The following LRRC45 variants were observed in gnomAD, a reference collection of about 807,000 sequenced individuals.
The protein encoded by LRRC45 is leucine-rich repeat-containing protein 45.
In LRRC45, 73 loss-of-function variants were observed where a neutral mutation model predicts 85.4. The ratio of observed to expected loss-of-function variants is 0.85; its 90% CI spans 0.71 to 1.04. The LOEUF (loss-of-function observed/expected upper bound fraction) is 1.04. Ranked by LOEUF, LRRC45 falls within the 50% of genes least tolerant of loss-of-function variation. The pLI is 0.00. For synonymous variants in LRRC45, 429 were observed against 386.0 expected, an observed-to-expected ratio of 1.11 and a Z score of -1.31; for missense variants, 937 against 883.3, an observed-to-expected ratio of 1.06 and a Z score of -0.77.
chr17:82,023,333 C>T lies in LRRC45; in HGVS notation c.-311C>T. Reference sequence around the variant, plus strand: ...CTTCCTGGATACTGAGGCCCCGACGCGGCTGTCGCGAGGGCGGGGGTCGGG... The same window carrying T: ...CTTCCTGGATACTGAGGCCCCGACGTGGCTGTCGCGAGGGCGGGGGTCGGG... On this transcript the variant is annotated 5_prime_UTR_variant, in exon 1 of 17. Coordinates refer to ENST00000306688, the MANE Select transcript of LRRC45 (RefSeq NM_144999.4). 1 of 450,106 alleles carries T rather than the reference C, an allele frequency of 2.2e-6. No homozygotes were observed. The highest frequency in any genetic ancestry group is 5.8e-4 in the Middle Eastern group (1 of 1,736). 27.9% of individuals were successfully genotyped at this position (450,106 alleles called of 1,614,324 possible).
At position 82,031,065 on chromosome 17, in the gene LRRC45, C is replaced by T. The variant is rs1314587038; in HGVS notation, c.*260C>T. On this transcript the variant is annotated 3_prime_UTR_variant, in exon 17 of 17. Coordinates refer to ENST00000306688, the MANE Select transcript of LRRC45 (RefSeq NM_144999.4). The stretch of plus-strand genomic sequence containing the variant: ...AAGGGGTCCCGCGGGCGCGTCTCCC[C>T]CTCGCCTTTTGCGATGTCACCGTGA... 2.6e-6 allele frequency: 1 copy of T among 384,290 alleles called. No homozygotes were observed. The highest frequency in any genetic ancestry group is 2.1e-5 in the African/African-American group (1 of 48,354). The allele number at this position is 384,290 out of a possible 1,614,324, so 23.8% of individuals were successfully genotyped here. A position where few individuals can be genotyped will look rare whatever the true frequency, so the allele number is the denominator to read the frequency against.
rs767994098 is a variant in LRRC45 at position 82,025,057 on chromosome 17, CG to C, written c.416del (p.Gly139AlafsTer28). The C allele has an allele frequency of 1.2e-6, 2 of 1,608,568 alleles. No individual in the cohort carries two copies. Among genetic ancestry groups the C allele is most frequent in the Non-Finnish European group, 1.7e-6 (2 of 1,178,048 alleles). ...TWDDAFATFC[G>X]GLAANGALQR... is the part of the protein sequence containing the mutation. ...GGGACGATGCCTTCGCCACCTTCTG[CG>C]GGGGCCTGGCGGCCAACGGCGCCCT... is the stretch of plus-strand genomic sequence containing the variant. On this transcript the variant is annotated frameshift_variant, in exon 4 of 17. Transcript: ENST00000306688. LOFTEE classifies it high-confidence loss of function.
chr17:82,027,582 G>C (rs1314420109), intron 7 of LRRC45, 92 bp from the exon 8 acceptor site: 2 of 1,542,006 alleles, frequency 1.3e-6, no homozygotes, highest in East Asian at 4.6e-5. Flanking sequence ...GACCATAGAT[G>C]CTTAAGGAAC....
In LRRC45 at chr17:82,027,762, G is replaced by A. The variant is rs143016863; in HGVS notation, c.911+11G>A. Reference sequence around the variant, plus strand: ...CGCTCTCAAGGCCAAGTAAGTGGGGGGTGGCCTCAGGATACTTCAGAGACG... The same window carrying A: ...CGCTCTCAAGGCCAAGTAAGTGGGGAGTGGCCTCAGGATACTTCAGAGACG... On this transcript the variant is annotated intron_variant, in intron 8 of 16. Coordinates refer to ENST00000306688, the MANE Select transcript of LRRC45 (RefSeq NM_144999.4). The A allele has an allele frequency of 8.1e-6, 13 of 1,608,890 alleles. No homozygotes were observed. The African/African-American group carries it at 1.2e-4, about 15-fold the overall frequency.
rs1268421724 is a variant in LRRC45, at chr17:82,030,180, T to C, written c.1610T>C (p.Val537Ala). The C allele has an allele frequency of 6.5e-7, 1 of 1,544,198 alleles. No individual in the cohort carries two copies. The highest frequency in any genetic ancestry group is 2.5e-5 in the East Asian group (1 of 40,778). ...GTGGTGGCCGAGGCCCAGACCCGGG[T>C]CAGCCAGCTGGGCCTGCAAGTTGAG... ...KQVVAEAQTRVSQLGLQVEGL... is the reference protein window; with the variant it reads ...KQVVAEAQTRASQLGLQVEGL... Residue 537 changes from valine (V) to alanine (A), a missense_variant, in exon 15 of 17, where the codon GTC becomes GCC. Transcript: ENST00000306688.
At chr17:82,027,281 C>A in intron 6 of LRRC45, 105 bp from the exon 7 acceptor site, 1 of 1,425,212 alleles carries the variant, frequency 7.0e-7, no homozygotes, top group Admixed American at 1.7e-5. Flanking sequence ...TGGAACCCTC[C>A]GCTGCCTTGC....
rs1483483056 is a variant in LRRC45, at chr17:82,029,168, C to T, written c.1384C>T (p.Arg462Trp). ...GCGGGTGCAGAGGCTGGAGGCGGCG[C>T]GGCTGTCCCTGGAGGAGGTGAGTGC... ...QERVQRLEAA[R>W]LSLEEELSRV... Residue 462 changes from arginine (R) to tryptophan (W), a missense_variant, in exon 13 of 17, where the codon CGG becomes TGG. Physicochemically the swap from Arg to Trp is moderately radical, Grantham distance 101 (BLOSUM62 -3). Coordinates refer to ENST00000306688, the MANE Select transcript of LRRC45 (RefSeq NM_144999.4). 6.2e-7 allele frequency: 1 copy of T among 1,611,266 alleles called. No homozygotes were observed. Among genetic ancestry groups the T allele is most frequent in the Non-Finnish European group, 8.5e-7 (1 of 1,179,632 alleles).
At chr17:82,024,027 G>C (rs2043341329) in intron 1 of LRRC45, 164 bp downstream of exon 1, 1 of 727,270 alleles carries the variant, frequency 1.4e-6, no homozygotes, top group South Asian at 1.9e-5. Flanking sequence ...CAGTTCCTCT[G>C]TATGACGGGG....
At position 82,023,816 on chromosome 17, in the gene LRRC45, C is replaced by A; in HGVS notation, c.173C>A (p.Thr58Lys). Residue 58 changes from threonine (T) to lysine (K), a missense_variant, in exon 1 of 17, where the codon ACG becomes AAG. Coordinates refer to ENST00000306688, the MANE Select transcript of LRRC45 (RefSeq NM_144999.4). ...CTGGGCAAGCTGCTGCCGAGGGAGA[C>A]GCTGTGCACGGAGCTGGTCCTGAGT... ...RALGKLLPRE[T>K]LCTELVLSDC... 1.3e-6 allele frequency: 2 copies of A among 1,570,054 alleles called. No individual in the cohort carries two copies. The highest frequency in any genetic ancestry group is 1.7e-6 in the Non-Finnish European group (2 of 1,159,894).
At chr17:82,027,306 C>T in intron 6 of LRRC45, 80 bp from the exon 7 acceptor site, 1 of 1,552,156 alleles carries the variant, frequency 6.4e-7, no homozygotes, top group Non-Finnish European at 8.9e-7. Context: ...TTGGTGGGCG[C>T]TGGCTCTCCT....
chr17:82,023,823 C>T lies in LRRC45; in HGVS notation c.180C>T (p.Cys60=). Residue 60 remains cysteine (C), a synonymous_variant, in exon 1 of 17, where the codon TGC becomes TGT. Transcript: ENST00000306688. The stretch of plus-strand genomic sequence containing the variant: ...AGCTGCTGCCGAGGGAGACGCTGTG[C>T]ACGGAGCTGGTCCTGAGTGACTGCA... ...LGKLLPRETL[C]TELVLSDCML... is the part of the protein sequence containing the mutation. 5.7e-6 allele frequency: 9 copies of T among 1,569,020 alleles called. No homozygotes were observed. Among genetic ancestry groups the T allele is most frequent in the Non-Finnish European group, 7.8e-6 (9 of 1,159,156 alleles).
chr17:82,029,392 G>T, intron 13 of LRRC45, 151 bp from the exon 14 acceptor site: 1 of 977,346 alleles, frequency 1.0e-6, no homozygotes, highest in South Asian at 1.5e-5. Context: ...TAGGAACCTT[G>T]CCCAGCGAGC....
At chr17:82,030,279 C>T in intron 15 of LRRC45, 40 bp from the exon 16 acceptor site, 3 of 1,541,214 alleles carry the variant, frequency 1.9e-6, no homozygotes, top group Non-Finnish European at 1.8e-6. Flanking sequence ...CGTGCTAGCC[C>T]CCAACCCTCG....
In LRRC45 at chr17:82,028,065, G is replaced by T; in HGVS notation, c.966G>T (p.Leu322=). 1 of 1,601,708 alleles carries T rather than the reference G, an allele frequency of 6.2e-7. No homozygotes were observed. ...LALSEQKAQD[L]GELLATAEQE... Reference sequence around the variant, plus strand: ...TGTCGGAGCAGAAGGCCCAGGACCTGGGGGAGCTCCTGGCCACAGCGGAGC... The same window carrying T: ...TGTCGGAGCAGAAGGCCCAGGACCTTGGGGAGCTCCTGGCCACAGCGGAGC... The change falls in exon 9 of 17, where the codon CTG becomes CTT. Residue 322 remains leucine, a synonymous_variant. Coordinates refer to ENST00000306688, the MANE Select transcript of LRRC45 (RefSeq NM_144999.4).
At chr17:82,027,089 G>A (rs1338345955) in intron 6 of LRRC45, 78 bp downstream of exon 6, 8 of 1,267,900 alleles carry the variant, frequency 6.3e-6, no homozygotes, top group East Asian at 2.5e-5. Flanking sequence ...CCTCAGCCCC[G>A]TGGTCTGCCC....
At chr17:82,026,050 C>T (rs191751771) in intron 5 of LRRC45, among the ~76,000 whole-genome samples, 36 of 152,340 alleles carry the variant, frequency 2.4e-4, no homozygotes, top group Middle Eastern at 6.8e-3. Context: ...CCCTAATCCG[C>T]GCACAGCGGC....
In LRRC45 at chr17:82,027,421, A is replaced by T. The variant is rs565490852; in HGVS notation, c.810A>T (p.Arg270=). ...LDLMETIDKQ[R]EEMAKSSRAS... is the part of the protein sequence containing the mutation. ...TGATGGAGACTATTGATAAGCAGCG[A>T]GAAGAGATGGCCAAGAGCAGCAGGT... The change falls in exon 7 of 17, where the codon CGA becomes CGT. Residue 270 remains arginine, a synonymous_variant. Transcript: ENST00000306688. The T allele has an allele frequency of 3.1e-6, 5 of 1,612,720 alleles. No individual in the cohort carries two copies. In the African/African-American group the frequency reaches 6.7e-5, roughly 21 times the overall value.
Position 82,030,345 on chromosome 17 carries a change from G to A in LRRC45, c.1695G>A (p.Arg565=). 2 of 1,549,728 alleles carry A rather than the reference G, an allele frequency of 1.3e-6. No homozygotes were observed. Among genetic ancestry groups the A allele is most frequent in the South Asian group, 1.2e-5 (1 of 84,044 alleles). Residue 565 remains arginine (R), a synonymous_variant, in exon 16 of 17, where the codon AGG becomes AGA. Coordinates refer to ENST00000306688, the MANE Select transcript of LRRC45 (RefSeq NM_144999.4). ...QQELSLKDQE[R]VAEVSRVRVE... is the part of the protein sequence containing the mutation. ...AGCTGAGCCTCAAGGACCAGGAAAG[G>A]GTGGCCGAGGTGAGCAGGGTGCGCG...
rs114763314 is a variant in LRRC45, at chr17:82,028,662, C to T, written c.1287C>T (p.Ser429=). ...KRRCRQSLED[S]ESLRIKEVEH... ...GATGCAGACAGAGCCTGGAGGACTC[C>T]GAAAGCCTGCGCATCAAGGAGGTGC... Residue 429 remains serine (S), a synonymous_variant, in exon 12 of 17, where the codon TCC becomes TCT. Coordinates refer to ENST00000306688, the MANE Select transcript of LRRC45 (RefSeq NM_144999.4). 670 of 1,612,708 alleles carry T rather than the reference C, an allele frequency of 4.2e-4. 2 individuals are homozygous for T. In the African/African-American group the frequency reaches 7.8e-3, roughly 19 times the overall value.
Sources: allele counts gnomAD v4.1 joint callset (sites outside exome capture counted in the v4.1 genomes callset), GRCh38; gene constraint gnomAD v4.1.1; transcripts MANE v1.5; gene names NCBI Gene and HGNC (gene_info 2026-07-23, HGNC 2026-07-21).